The following PIEZO2 variants were observed in gnomAD, a reference collection of about 807,000 sequenced individuals.
PIEZO2 encodes the protein piezo type mechanosensitive ion channel component 2.
PIEZO2 carries 172 observed loss-of-function variants against 337.3 expected under a neutral mutation model. That is an observed-to-expected ratio of 0.51 (90% CI 0.45 to 0.58). The LOEUF (loss-of-function observed/expected upper bound fraction) is 0.58. Among genes scored for constraint, PIEZO2 ranks in the 20% least tolerant of loss-of-function variants. The probability of loss-of-function intolerance (pLI) is 0.00; values close to 1 mark genes in which losing one functional copy is unlikely to be tolerated. For synonymous variants in PIEZO2, 1,251 were observed against 1,228.5 expected (o/e 1.02, Z -0.38); for missense variants, 3,028 against 3,391.3 (o/e 0.89, Z 2.66).
In PIEZO2 at chr18:11,148,538, G is replaced by A. The variant is rs1599033877; in HGVS notation, c.51C>T (p.Ile17=). 1 of 1,537,226 alleles carries A rather than the reference G, an allele frequency of 6.5e-7. No individual in the cohort carries two copies. Among genetic ancestry groups the A allele is most frequent in the South Asian group, 1.2e-5 (1 of 84,064 alleles). ...CGLIFRLLLP[I]CLAVACAFRY... ...GACCAGACTCACCTACTGCCAGGCA[G>A]ATGGGCAGCAGCAGCCTGAAGATGA... Residue 17 remains isoleucine (I), a synonymous_variant, in exon 1 of 56, where the codon ATC becomes ATT. Coordinates refer to ENST00000674853, the MANE Select transcript of PIEZO2 (RefSeq NM_001378183.1). The surrounding 1 kb of genome is among the most constrained non-coding windows in gnomAD (Gnocchi z 5.2).
rs1326266701 is a variant in PIEZO2 at position 10,774,014 on chromosome 18, G to C, written c.2559C>G (p.His853Gln). The change falls in exon 19 of 56, where the codon CAC becomes CAG. Residue 853 changes from histidine to glutamine, a missense_variant. Coordinates refer to ENST00000674853, the MANE Select transcript of PIEZO2 (RefSeq NM_001378183.1). Reference sequence around the variant, plus strand: ...TTCACAGGGGGACTTACTCATTTTGGTGGATTGGTAATTTTTTCTTGATGC... The same window carrying C: ...TTCACAGGGGGACTTACTCATTTTGCTGGATTGGTAATTTTTTCTTGATGC... ...INSIKKKLPI[H>Q]QNELAHPEGS... 1 of 703,074 alleles carries C rather than the reference G, an allele frequency of 1.4e-6. No homozygotes were observed. Among genetic ancestry groups the C allele is most frequent in the Non-Finnish European group, 2.6e-6 (1 of 385,016 alleles). 43.6% of individuals were successfully genotyped at this position (703,074 alleles called of 1,614,324 possible).
In PIEZO2 at chr18:10,846,166, T is replaced by A. The variant is rs974708209; in HGVS notation, c.917+9187A>T. Among the ~76,000 whole-genome samples the A allele has an allele frequency of 2.6e-5, 4 of 152,216 alleles. No individual in the cohort carries two copies. Among genetic ancestry groups the A allele is most frequent in the East Asian group, 1.9e-4 (1 of 5,206 alleles). ...GCAATTTACAAAAGAATGAGGTTTA[T>A]TGGACTTACAGTTCCACATGGCTAG... On this transcript the variant is annotated intron_variant, in intron 7 of 55. Transcript: ENST00000674853. The surrounding 1 kb of genome is among the most constrained non-coding windows in gnomAD (Gnocchi z 4.1).
intron 5 of PIEZO2, 87 bp from the exon 6 acceptor site, chr18:10,857,298 G>C: frequency 2.6e-6 from 3 of 1,134,014 alleles, no homozygotes; most frequent in Middle Eastern, 1.9e-4. Flanking sequence ...TCATGGGTCA[G>C]TCAACGTGGT....
In PIEZO2 at chr18:10,781,066, ATGT is replaced by A. The variant is rs1230559654; in HGVS notation, c.2493-703_2493-701del. On this transcript the variant is annotated intron_variant, in intron 17 of 55. Coordinates refer to ENST00000674853, the MANE Select transcript of PIEZO2 (RefSeq NM_001378183.1). This position sits in a 1 kb window ranked among gnomAD's most constrained non-coding sequence, Gnocchi z 4.1. ...ATCCTACTCAGCGGCCATATTCAAC[ATGT>A]TGTTTTCTAAGGTTTTGCTAAAACT... 6.6e-6 allele frequency among the ~76,000 whole-genome samples: 1 copy of A among 152,036 alleles called. No individual in the cohort carries two copies. The highest frequency in any genetic ancestry group is 6.6e-5 in the Admixed American group (1 of 15,254).
chr18:10,674,563 C>T (rs901014961), intron 54 of PIEZO2, among the ~76,000 whole-genome samples: 3 of 152,368 alleles, frequency 2.0e-5, no homozygotes, highest in Non-Finnish European at 4.4e-5. Context: ...CACAGCAGCA[C>T]GGAGCCCAGG....
chr18:10,845,726 C>G (rs748797039), intron 7 of PIEZO2, among the ~76,000 whole-genome samples: 1 of 152,154 alleles, frequency 6.6e-6, no homozygotes, highest in Admixed American at 6.5e-5. Flanking sequence ...CAAACTGGGT[C>G]TCTGAAGGAC....
At position 10,903,823 on chromosome 18, in the gene PIEZO2, T is replaced by G. The variant is rs2043109850; in HGVS notation, c.329+7363A>C. Among the ~76,000 whole-genome samples, 1 of 152,188 alleles carries G rather than the reference T, an allele frequency of 6.6e-6. No individual in the cohort carries two copies. Among genetic ancestry groups the G allele is most frequent in the Non-Finnish European group, 1.5e-5 (1 of 68,040 alleles). ...TGGATGAATGCCAATGAAGCCATTC[T>G]TCAAAACTCTGCCCAGATGTTCCCT... On this transcript the variant is annotated intron_variant, in intron 4 of 55. Transcript: ENST00000674853. This position sits in a 1 kb window ranked among gnomAD's most constrained non-coding sequence, Gnocchi z 4.1.
In PIEZO2 at chr18:11,143,631, ACACACACACTCTCT is replaced by A. The variant is rs1330621622; in HGVS notation, c.64+4880_64+4893del. Reference sequence around the variant, plus strand: ...CACACACACACACACACACACACACACACACACACTCTCTCTCTCTCTCTCTCTCTCTCTCTCTC... The same window carrying A: ...CACACACACACACACACACACACACACTCTCTCTCTCTCTCTCTCTCTCTC... On this transcript the variant is annotated intron_variant, in intron 1 of 55. Coordinates refer to ENST00000674853, the MANE Select transcript of PIEZO2 (RefSeq NM_001378183.1). This position sits in a 1 kb window ranked among gnomAD's most constrained non-coding sequence, Gnocchi z 4.9. Among the ~76,000 whole-genome samples the A allele has an allele frequency of 3.1e-4, 20 of 63,904 alleles. No individual in the cohort carries two copies. Among genetic ancestry groups the A allele is most frequent in the South Asian group, 1.8e-3 (4 of 2,282 alleles). The allele number at this position is 63,904 out of a possible 152,430, so 41.9% of individuals were successfully genotyped here. A position where few individuals can be genotyped will look rare whatever the true frequency, so the allele number is the denominator to read the frequency against.
At chr18:10,893,150 T>C (rs987613106) in intron 4 of PIEZO2, among the ~76,000 whole-genome samples, 1 of 152,212 alleles carries the variant, frequency 6.6e-6, no homozygotes, top group Admixed American at 6.5e-5. Context: ...TATTACAAAA[T>C]CACTGATTTA....
At chr18:10,918,272 AT>A (rs1246252293) in intron 3 of PIEZO2, among the ~76,000 whole-genome samples, 2 of 152,124 alleles carry the variant, frequency 1.3e-5, no homozygotes, top group Admixed American at 1.3e-4. Flanking sequence ...ACAAAACATT[AT>A]TTATCATCCC....
intron 38 of PIEZO2, among the ~76,000 whole-genome samples, chr18:10,715,429 C>T (rs1314133461): frequency 2.6e-5 from 4 of 152,078 alleles, no homozygotes; most frequent in East Asian, 3.9e-4. Flanking sequence ...AATAAAGTTG[C>T]CATTCTGTGA....
In PIEZO2 at chr18:11,126,056, C is replaced by T. The variant is rs1568396026; in HGVS notation, c.64+22469G>A. On this transcript the variant is annotated intron_variant, in intron 1 of 55. Coordinates refer to ENST00000674853, the MANE Select transcript of PIEZO2 (RefSeq NM_001378183.1). This position sits in a 1 kb window ranked among gnomAD's most constrained non-coding sequence, Gnocchi z 4.6. ...TTTCCAAAATACGTTAACTTTCAGT[C>T]TGTACTTACCCTTAGACCTGCATTA... is the stretch of plus-strand genomic sequence containing the variant. Among the ~76,000 whole-genome samples, 1 of 152,176 alleles carries T rather than the reference C, an allele frequency of 6.6e-6. No homozygotes were observed. The highest frequency in any genetic ancestry group is 1.5e-5 in the Non-Finnish European group (1 of 68,030).
chr18:11,134,448 G>GGGACCCATCCTTCACACC (rs1335522633), intron 1 of PIEZO2, among the ~76,000 whole-genome samples: 8 of 152,196 alleles, frequency 5.3e-5, no homozygotes, highest in Admixed American at 5.2e-4. Flanking sequence ...GGCTGTGACA[G>GGGACCCATCCTTCACACC]TGACCACCCA....
intron 2 of PIEZO2, among the ~76,000 whole-genome samples, chr18:11,046,355 C>G (rs1203168244): frequency 6.6e-6 from 1 of 152,246 alleles, no homozygotes; most frequent in Non-Finnish European, 1.5e-5. Flanking sequence ...GCTGAACTCT[C>G]ACTTTTATGA....
chr18:10,814,396 A>T (rs1400534091), intron 7 of PIEZO2, among the ~76,000 whole-genome samples: 1 of 152,210 alleles, frequency 6.6e-6, no homozygotes, highest in Non-Finnish European at 1.5e-5. Flanking sequence ...ATATTTGGGG[A>T]CAAATAATTT....
rs1445518493 is a variant in PIEZO2, at chr18:10,714,911, T to C, written c.5276A>G (p.Glu1759Gly). 1 of 1,536,966 alleles carries C rather than the reference T, an allele frequency of 6.5e-7. No homozygotes were observed. The highest frequency in any genetic ancestry group is 1.4e-5 in the African/African-American group (1 of 73,026). Reference protein sequence around the residue: ...EIKKGNVPTRESIHMYYQNHI... With the variant: ...EIKKGNVPTRGSIHMYYQNHI... Reference sequence around the variant, plus strand: ...GTTCTGATAGTACATGTGGATGCTCTCCCGAGTTGGAACATTGCCCTGAGG... The same window carrying C: ...GTTCTGATAGTACATGTGGATGCTCCCCCGAGTTGGAACATTGCCCTGAGG... The change falls in exon 39 of 56, where the codon GAG (glutamate) becomes GGG (glycine). Residue 1759 changes from glutamate to glycine, a missense_variant. Physicochemically the swap from Glu to Gly is moderately conservative, Grantham distance 98 (BLOSUM62 -2). Transcript: ENST00000674853.
At position 11,129,336 on chromosome 18, in the gene PIEZO2, G is replaced by A. The variant is rs2040273960; in HGVS notation, c.64+19189C>T. Among the ~76,000 whole-genome samples the A allele has an allele frequency of 1.3e-5, 2 of 152,190 alleles. No homozygotes were observed. Among genetic ancestry groups the A allele is most frequent in the African/African-American group, 4.8e-5 (2 of 41,440 alleles). On this transcript the variant is annotated intron_variant, in intron 1 of 55. Coordinates refer to ENST00000674853, the MANE Select transcript of PIEZO2 (RefSeq NM_001378183.1). This position sits in a 1 kb window ranked among gnomAD's most constrained non-coding sequence, Gnocchi z 4.6. ...GCAGCACTCAACTGTCAAAGGCAAGGTAGGCGTAGCTACCATAATGGACAG... is the reference window on the plus strand; with the variant it reads ...GCAGCACTCAACTGTCAAAGGCAAGATAGGCGTAGCTACCATAATGGACAG...
At chr18:10,961,771 AT>A (rs529526051) in intron 3 of PIEZO2, among the ~76,000 whole-genome samples, 21 of 150,212 alleles carry the variant, frequency 1.4e-4, no homozygotes, top group East Asian at 5.9e-4. Flanking sequence ...GTAAAAAAGG[AT>A]TTTTTTTTTC....
chr18:10,880,689 G>C (rs1232732391), intron 4 of PIEZO2, among the ~76,000 whole-genome samples: 4 of 151,636 alleles, frequency 2.6e-5, no homozygotes, highest in African/African-American at 9.7e-5. Context: ...TTCACACGCT[G>C]AGAGATAGTC....
Sources: allele counts gnomAD v4.1 joint callset (sites outside exome capture counted in the v4.1 genomes callset), GRCh38; gene constraint gnomAD v4.1.1; non-coding constraint Gnocchi (gnomAD v3.1); transcripts MANE v1.5; gene names NCBI Gene and HGNC (gene_info 2026-07-23, HGNC 2026-07-21).